The following SAPCD1 variants were observed in gnomAD, a reference collection of about 807,000 sequenced individuals.
SAPCD1 encodes suppressor APC domain containing 1, also known as suppressor APC domain-containing protein 1.
In SAPCD1, 16 loss-of-function variants were observed where a neutral mutation model predicts 20.7. That is an observed-to-expected ratio of 0.77 (90% CI 0.52 to 1.17). The LOEUF is 1.17. SAPCD1 is among the 50% of genes most tolerant of loss of function. The probability of loss-of-function intolerance (pLI) is 0.00; values close to 1 mark genes in which losing one functional copy is unlikely to be tolerated. For missense variants in SAPCD1, 173 were observed against 209.9 expected, an observed-to-expected ratio of 0.82 and a Z score of 1.09; for synonymous variants, 77 against 84.8, an observed-to-expected ratio of 0.91 and a Z score of 0.50.
upstream of SAPCD1, chr6:31,762,900 C>A (rs549738693): frequency 7.0e-6 from 4 of 570,224 alleles, no homozygotes; most frequent in South Asian, 9.4e-5. Context: ...GATGGTCTCT[C>A]TTCTCAAGTA....
rs186092403 is a variant in SAPCD1 at position 31,763,221 on chromosome 6, C to T, written c.114+53C>T. On this transcript the variant is annotated intron_variant, in intron 1 of 4. Coordinates refer to ENST00000415669, the Ensembl canonical transcript of SAPCD1. This position sits in a 1 kb window ranked among gnomAD's most constrained non-coding sequence, Gnocchi z 4.9. ...AGGGGAACTCTCTCAATAGATCTGC[C>T]CTTTATATTTCCATTCAACTTGAGG... 81 of 1,237,194 alleles carry T rather than the reference C, an allele frequency of 6.5e-5. No homozygotes were observed. The East Asian group carries it at 1.9e-3, about 30-fold the overall frequency. The allele number at this position is 1,237,194 out of a possible 1,614,324, so 76.6% of individuals were successfully genotyped here.
In SAPCD1 at chr6:31,763,167, G is replaced by C. The variant is rs1453443526; in HGVS notation, c.113G>C (p.Trp38Ser). The C allele has an allele frequency of 6.5e-7, 1 of 1,542,542 alleles. No individual in the cohort carries two copies. Among genetic ancestry groups the C allele is most frequent in the Non-Finnish European group, 8.8e-7 (1 of 1,140,124 alleles). The stretch of plus-strand genomic sequence containing the variant: ...CCAGGGGCCCAGAGCTTCTTCCTTT[G>C]GGTGAGTATCAGCCCAACAAGAGGT... The change falls in exon 1 of 5, where the codon TGG (tryptophan) becomes TCG (serine). Residue 38 changes from tryptophan (W) to serine (S), a missense_variant and splice_region_variant. Physicochemically the swap from Trp to Ser is radical, Grantham distance 177. Transcript: ENST00000415669. The surrounding 1 kb of genome is among the most constrained non-coding windows in gnomAD (Gnocchi z 4.9).
Position 31,763,573 on chromosome 6 carries a change from C to T in SAPCD1, c.255+18C>T, listed in dbSNP as rs778436769. On this transcript the variant is annotated intron_variant, in intron 2 of 4. Coordinates refer to ENST00000415669, the Ensembl canonical transcript of SAPCD1. The surrounding 1 kb of genome is among the most constrained non-coding windows in gnomAD (Gnocchi z 4.9). ...TTGGTGAGGTATGGGGGCTGCCCCTCTGTGTGAATGGGGGGAGGACCAGGG... is the reference window on the plus strand; with the variant it reads ...TTGGTGAGGTATGGGGGCTGCCCCTTTGTGTGAATGGGGGGAGGACCAGGG... 6.3e-7 allele frequency: 1 copy of T among 1,597,078 alleles called. No individual in the cohort carries two copies. Among genetic ancestry groups the T allele is most frequent in the Non-Finnish European group, 8.5e-7 (1 of 1,171,866 alleles).
Position 31,764,097 on chromosome 6 carries a change from C to T in SAPCD1, c.289C>T (p.Arg97Cys), listed in dbSNP as rs769827017. ...AACAGATTTACACTCAGAGCCTGGT[C>T]GCCCCCCGTTAGCCCAGATTCAAAA... The change falls in exon 3 of 5, where the codon CGC becomes TGC. Residue 97 changes from arginine (R) to cysteine (C), a missense_variant. By Grantham distance (180) the Arg-to-Cys change is radical. Coordinates refer to ENST00000415669, the Ensembl canonical transcript of SAPCD1. This position sits in a 1 kb window ranked among gnomAD's most constrained non-coding sequence, Gnocchi z 4.7. The T allele has an allele frequency of 1.5e-5, 24 of 1,613,656 alleles. No individual in the cohort carries two copies. The highest frequency in any genetic ancestry group is 2.0e-5 in the Non-Finnish European group (24 of 1,179,586).
At chr6:31,762,784 C>T, upstream of SAPCD1, 1 of 547,958 alleles carries the variant, frequency 1.8e-6, no homozygotes. Context: ...AGTGTTGTTG[C>T]TGTAGGAAGA....
At position 31,764,427 on chromosome 6, in the gene SAPCD1, C is replaced by T. The variant is rs746791926; in HGVS notation, c.442-9C>T. ...AGGAGCCCAGAGGCCCCATCTGTTTCTCCTCCAGGAGTTGTCAAGGCAGCA... is the reference window on the plus strand; with the variant it reads ...AGGAGCCCAGAGGCCCCATCTGTTTTTCCTCCAGGAGTTGTCAAGGCAGCA... On this transcript the variant is annotated splice_polypyrimidine_tract_variant and intron_variant, in intron 4 of 4. Transcript: ENST00000415669. This position sits in a 1 kb window ranked among gnomAD's most constrained non-coding sequence, Gnocchi z 4.7. The T allele has an allele frequency of 6.2e-7, 1 of 1,613,818 alleles. No individual in the cohort carries two copies. Among genetic ancestry groups the T allele is most frequent in the South Asian group, 1.1e-5 (1 of 91,074 alleles).
rs1811201903 is a variant in SAPCD1 at position 31,763,314 on chromosome 6, C to T, written c.115-101C>T. On this transcript the variant is annotated intron_variant, in intron 1 of 4. Transcript: ENST00000415669. The surrounding 1 kb of genome is among the most constrained non-coding windows in gnomAD (Gnocchi z 4.9). ...TCAGTGGCCAGTCTGGGTTCACACT[C>T]AGTGACCACACAGTGAACCCAACTA... The T allele has an allele frequency of 1.3e-6, 2 of 1,491,150 alleles. No individual in the cohort carries two copies. The highest frequency in any genetic ancestry group is 1.4e-5 in the African/African-American group (1 of 72,394). The allele number at this position is 1,491,150 out of a possible 1,614,324, so 92.4% of individuals were successfully genotyped here. A position where few individuals can be genotyped will look rare whatever the true frequency, so the allele number is the denominator to read the frequency against.
At position 31,763,340 on chromosome 6, in the gene SAPCD1, G is replaced by A; in HGVS notation, c.115-75G>A. On this transcript the variant is annotated intron_variant, in intron 1 of 4. Transcript: ENST00000415669. This position sits in a 1 kb window ranked among gnomAD's most constrained non-coding sequence, Gnocchi z 4.9. ...AGTGACCACACAGTGAACCCAACTA[G>A]GGGTGGAGAGAAAGGGCCATAACCC... 2 of 1,587,654 alleles carry A rather than the reference G, an allele frequency of 1.3e-6. No individual in the cohort carries two copies. The highest frequency in any genetic ancestry group is 1.7e-6 in the Non-Finnish European group (2 of 1,158,700).
Position 31,764,560 on chromosome 6 carries a change from GAA to G in SAPCD1, c.*31_*32del. 6.7e-7 allele frequency: 1 copy of G among 1,501,434 alleles called. No individual in the cohort carries two copies. 93.0% of individuals were successfully genotyped at this position (1,501,434 alleles called of 1,614,324 possible). ...CTCCTCTCACTCCCCTAAGCCTGGT[GAA>G]AGAGTCAGAAGCCCCAGGCTCCTTT... is the stretch of plus-strand genomic sequence containing the variant. On this transcript the variant is annotated 3_prime_UTR_variant, in exon 5 of 5. Coordinates refer to ENST00000415669, the Ensembl canonical transcript of SAPCD1. The surrounding 1 kb of genome is among the most constrained non-coding windows in gnomAD (Gnocchi z 4.7).
chr6:31,763,972 C>A lies in SAPCD1; in HGVS notation c.256-92C>A. The A allele has an allele frequency of 1.2e-6, 1 of 868,276 alleles. No homozygotes were observed. Among genetic ancestry groups the A allele is most frequent in the Non-Finnish European group, 2.0e-6 (1 of 509,784 alleles). 53.8% of individuals were successfully genotyped at this position (868,276 alleles called of 1,614,324 possible). A position where few individuals can be genotyped will look rare whatever the true frequency, so the allele number is the denominator to read the frequency against. ...TGGGAGGGTACTGGGACGAGGGGAT[C>A]CAGATGAGAGGGATGGCCTGTGGTG... On this transcript the variant is annotated intron_variant, in intron 2 of 4. Transcript: ENST00000415669. This position sits in a 1 kb window ranked among gnomAD's most constrained non-coding sequence, Gnocchi z 4.9.
In SAPCD1 at chr6:31,764,499, A is replaced by T; in HGVS notation, c.505A>T (p.Thr169Ser). 2 of 1,613,952 alleles carry T rather than the reference A, an allele frequency of 1.2e-6. No individual in the cohort carries two copies. The highest frequency in any genetic ancestry group is 1.7e-4 in the Middle Eastern group (1 of 5,912). ...GGAGGAGATGGCTCAGCGGGGCTGCACCAAGGGGCCAAGAGGCCCTACCCG... is the reference window on the plus strand; with the variant it reads ...GGAGGAGATGGCTCAGCGGGGCTGCTCCAAGGGGCCAAGAGGCCCTACCCG... Residue 169 changes from threonine (T) to serine (S), a missense_variant, in exon 5 of 5, where the codon ACC becomes TCC. Transcript: ENST00000415669. The surrounding 1 kb of genome is among the most constrained non-coding windows in gnomAD (Gnocchi z 4.7).
At position 31,763,876 on chromosome 6, in the gene SAPCD1, A is replaced by G; in HGVS notation, c.256-188A>G. ...GAGTAGTGAAAGGGGGTATTGTGCT[A>G]TTTGAGGGAGATGGAGGAACTGATG... On this transcript the variant is annotated intron_variant, in intron 2 of 4. Coordinates refer to ENST00000415669, the Ensembl canonical transcript of SAPCD1. The surrounding 1 kb of genome is among the most constrained non-coding windows in gnomAD (Gnocchi z 4.9). The G allele has an allele frequency of 1.6e-6, 1 of 610,176 alleles. No homozygotes were observed. The highest frequency in any genetic ancestry group is 1.8e-5 in the African/African-American group (1 of 54,270). The allele number at this position is 610,176 out of a possible 1,614,324, so 37.8% of individuals were successfully genotyped here.
chr6:31,764,601 C>T lies in SAPCD1; in HGVS notation c.*70C>T. On this transcript the variant is annotated 3_prime_UTR_variant, in exon 5 of 5. Coordinates refer to ENST00000415669, the Ensembl canonical transcript of SAPCD1. The surrounding 1 kb of genome is among the most constrained non-coding windows in gnomAD (Gnocchi z 4.7). Reference sequence around the variant, plus strand: ...CCAGGCTCCTTTTTCTGTTTCTTAACTCAACAGCTAAAAAATGGCTCCAGG... The same window carrying T: ...CCAGGCTCCTTTTTCTGTTTCTTAATTCAACAGCTAAAAAATGGCTCCAGG... The T allele has an allele frequency of 8.9e-7, 1 of 1,126,916 alleles. No individual in the cohort carries two copies. Among genetic ancestry groups the T allele is most frequent in the South Asian group, 1.4e-5 (1 of 70,498 alleles). The allele number at this position is 1,126,916 out of a possible 1,614,324, so 69.8% of individuals were successfully genotyped here.
chr6:31,764,807 AAAAT>A lies in SAPCD1; in HGVS notation c.*280_*283del. 2 of 459,192 alleles carry A rather than the reference AAAAT, an allele frequency of 4.4e-6. No homozygotes were observed. The highest frequency in any genetic ancestry group is 1.0e-4 in the South Asian group (2 of 19,162). 28.4% of individuals were successfully genotyped at this position (459,192 alleles called of 1,614,324 possible). On this transcript the variant is annotated 3_prime_UTR_variant, in exon 5 of 5. Coordinates refer to ENST00000415669, the Ensembl canonical transcript of SAPCD1. The surrounding 1 kb of genome is among the most constrained non-coding windows in gnomAD (Gnocchi z 4.7). Reference sequence around the variant, plus strand: ...AAACTGTCCTTCAGCCTTAAATACAAAAATAAAACTGAAACTGCTCCAGAAAGCA... The same window carrying A: ...AAACTGTCCTTCAGCCTTAAATACAAAAAACTGAAACTGCTCCAGAAAGCA...
At position 31,763,158 on chromosome 6, in the gene SAPCD1, TCTTC is replaced by T. The variant is rs1562254925; in HGVS notation, c.108_111del (p.Leu37GlyfsTer33). The T allele has an allele frequency of 2.6e-6, 4 of 1,561,568 alleles. No individual in the cohort carries two copies. In the South Asian group the frequency reaches 4.8e-5, roughly 19 times the overall value. On this transcript the variant is annotated frameshift_variant, in exon 1 of 5. Coordinates refer to ENST00000415669, the Ensembl canonical transcript of SAPCD1. LOFTEE classifies it high-confidence loss of function. The surrounding 1 kb of genome is among the most constrained non-coding windows in gnomAD (Gnocchi z 4.9). ...CGCCAAGACCCAGGGGCCCAGAGCTTCTTCCTTTGGGTGAGTATCAGCCCAACAA... is the reference window on the plus strand; with the variant it reads ...CGCCAAGACCCAGGGGCCCAGAGCTTCTTTGGGTGAGTATCAGCCCAACAA...
chr6:31,763,584 G>C lies in SAPCD1; in HGVS notation c.255+29G>C, dbSNP rs28399990. ...TGGGGGCTGCCCCTCTGTGTGAATG[G>C]GGGGAGGACCAGGGAGGGAGGAACA... is the stretch of plus-strand genomic sequence containing the variant. On this transcript the variant is annotated intron_variant, in intron 2 of 4. Coordinates refer to ENST00000415669, the Ensembl canonical transcript of SAPCD1. This position sits in a 1 kb window ranked among gnomAD's most constrained non-coding sequence, Gnocchi z 4.9. The C allele has an allele frequency of 2.9e-3, 4,650 of 1,586,590 alleles. 23 individuals are homozygous for C. Among genetic ancestry groups the C allele is most frequent in the East Asian group, 0.017 (775 of 44,716 alleles).
Position 31,763,205 on chromosome 6 carries a change from C to G in SAPCD1, c.114+37C>G. On this transcript the variant is annotated intron_variant, in intron 1 of 4. Transcript: ENST00000415669. The surrounding 1 kb of genome is among the most constrained non-coding windows in gnomAD (Gnocchi z 4.9). ...CCCAACAAGAGGTCCCAGGGGAACTCTCTCAATAGATCTGCCCTTTATATT... is the reference window on the plus strand; with the variant it reads ...CCCAACAAGAGGTCCCAGGGGAACTGTCTCAATAGATCTGCCCTTTATATT... The G allele has an allele frequency of 7.7e-7, 1 of 1,297,664 alleles. No homozygotes were observed. Among genetic ancestry groups the G allele is most frequent in the Non-Finnish European group, 1.1e-6 (1 of 927,058 alleles). The allele number at this position is 1,297,664 out of a possible 1,614,324, so 80.4% of individuals were successfully genotyped here.
Position 31,764,546 on chromosome 6 carries a change from C to T in SAPCD1, c.*15C>T, listed in dbSNP as rs769360021. ...CCCGTGTCTAAACCCTCCTCTCACT[C>T]CCCTAAGCCTGGTGAAAGAGTCAGA... On this transcript the variant is annotated 3_prime_UTR_variant, in exon 5 of 5. Transcript: ENST00000415669. This position sits in a 1 kb window ranked among gnomAD's most constrained non-coding sequence, Gnocchi z 4.7. The T allele has an allele frequency of 2.6e-6, 4 of 1,567,746 alleles. No individual in the cohort carries two copies. In the South Asian group the frequency reaches 3.4e-5, roughly 13 times the overall value.
chr6:31,764,297 C>G lies in SAPCD1; in HGVS notation c.383C>G (p.Ser128Cys). 3 of 1,614,150 alleles carry G rather than the reference C, an allele frequency of 1.9e-6. No homozygotes were observed. Among genetic ancestry groups the G allele is most frequent in the Non-Finnish European group, 2.5e-6 (3 of 1,180,010 alleles). The change falls in exon 4 of 5, where the codon TCC becomes TGC. Residue 128 changes from serine (S) to cysteine (C), a missense_variant. By Grantham distance (112) the Ser-to-Cys change is moderately radical. Transcript: ENST00000415669. This position sits in a 1 kb window ranked among gnomAD's most constrained non-coding sequence, Gnocchi z 4.7. ...CCAAGTCCACTGAACAAGGCTAGTT[C>G]CTGCACCACCCAGGATTCAAAGGAA...
Sources: gnomAD v4.1 joint callset for allele counts on GRCh38, gnomAD v4.1.1 for gene constraint, Gnocchi (gnomAD v3.1) non-coding constraint, MANE v1.5 for transcripts, NCBI Gene and HGNC (gene_info 2026-07-23, HGNC 2026-07-21) for gene names.